Variants in RNF115 observed in about 807,000 individuals in gnomAD.
The protein encoded by RNF115 is ring finger protein 115.
Under a neutral mutation model 39.2 loss-of-function variants are expected in RNF115, and 31 were observed. That is an observed-to-expected ratio of 0.79 (90% confidence interval 0.59 to 1.07). The LOEUF (loss-of-function observed/expected upper bound fraction) is 1.07. Ranked by LOEUF, RNF115 falls within the 50% of genes least tolerant of loss-of-function variation. RNF115 has a pLI of 0.00. For synonymous variants in RNF115, 124 were observed against 131.0 expected, an observed-to-expected ratio of 0.95 and a Z score of 0.37; for missense variants, 384 against 381.7, an observed-to-expected ratio of 1.01 and a Z score of -0.05.
chr1:145,814,352 C>T (rs1553723127), intron 1 of RNF115, among the ~76,000 whole-genome samples: 2 of 152,082 alleles, frequency 1.3e-5, no homozygotes, highest in African/African-American at 4.8e-5. Flanking sequence ...TCTAGGCTAT[C>T]TCATTTATTG....
chr1:145,749,670 G>A (rs1658002583), intron 7 of RNF115, among the ~76,000 whole-genome samples: 1 of 152,058 alleles, frequency 6.6e-6, no homozygotes, highest in Non-Finnish European at 1.5e-5. Flanking sequence ...ACCTCATCTG[G>A]ACTGCTGCAA....
rs5777576 is a variant in RNF115 at position 145,746,404 on chromosome 1, GT to G, written c.*461del. On this transcript the variant is annotated 3_prime_UTR_variant, in exon 9 of 9. Coordinates refer to ENST00000582693, the MANE Select transcript of RNF115 (RefSeq NM_014455.4). ...CTCATAGCTAATGTGATCAAGAGTA[GT>G]TTTTTTTTTTTTTAAATACAATTAA... 7.8e-3 allele frequency: 1,128 copies of G among 143,792 alleles called. 7 individuals are homozygous for G. Among genetic ancestry groups the G allele is most frequent in the African/African-American group, 0.014 (550 of 39,514 alleles). 8.9% of individuals were successfully genotyped at this position (143,792 alleles called of 1,614,324 possible). A position where few individuals can be genotyped will look rare whatever the true frequency, so the allele number is the denominator to read the frequency against.
chr1:145,764,574 G>A (rs34177947), intron 4 of RNF115, among the ~76,000 whole-genome samples: 2,242 of 149,838 alleles, frequency 0.015, 61 homozygotes, highest in African/African-American at 0.05. Flanking sequence ...CAGCCGCCCC[G>A]TCTGAGAAGT....
chr1:145,814,641 T>C (rs1214388379), intron 1 of RNF115, among the ~76,000 whole-genome samples: 3 of 151,954 alleles, frequency 2.0e-5, no homozygotes, highest in African/African-American at 7.2e-5. Context: ...CACATCTAGT[T>C]GGTACTTCCC....
At chr1:145,764,791 G>T (rs184916609) in intron 4 of RNF115, among the ~76,000 whole-genome samples, 1 of 151,100 alleles carries the variant, frequency 6.6e-6, no homozygotes, top group South Asian at 2.1e-4. Context: ...CGCCCCATCC[G>T]GGAGGGAGAT....
chr1:145,771,764 C>T lies in RNF115; in HGVS notation c.375G>A (p.Arg125=). Residue 125 remains arginine, a synonymous_variant, in exon 4 of 9, where the codon CGG becomes CGA. Coordinates refer to ENST00000582693, the MANE Select transcript of RNF115 (RefSeq NM_014455.4). ...GARPPRLPLG[R]RYRSRGSSRP... is the part of the protein sequence containing the mutation. ...GAGAACTTCCTCGAGATCTGTATCT[C>T]CGACCCAATGGCAACCGTGGAGGTC... 1.2e-6 allele frequency: 2 copies of T among 1,614,206 alleles called. No homozygotes were observed. The highest frequency in any genetic ancestry group is 1.7e-6 in the Non-Finnish European group (2 of 1,180,026).
At chr1:145,759,331 C>A (rs1363019823) in intron 4 of RNF115, among the ~76,000 whole-genome samples, 1 of 152,134 alleles carries the variant, frequency 6.6e-6, no homozygotes, top group Non-Finnish European at 1.5e-5. Context: ...ATAATAAGCA[C>A]CTCAAACTTA....
In RNF115 at chr1:145,746,807, C is replaced by T. The variant is rs909316722; in HGVS notation, c.*59G>A. 2 of 1,543,314 alleles carry T rather than the reference C, an allele frequency of 1.3e-6. No individual in the cohort carries two copies. The highest frequency in any genetic ancestry group is 2.0e-5 in the Admixed American group (1 of 49,954). Reference sequence around the variant, plus strand: ...CATCTACTAATTTTTTGTTTTGATACAATTTACAGCTATGGTAAGATGATT... The same window carrying T: ...CATCTACTAATTTTTTGTTTTGATATAATTTACAGCTATGGTAAGATGATT... On this transcript the variant is annotated 3_prime_UTR_variant, in exon 9 of 9. Coordinates refer to ENST00000582693, the MANE Select transcript of RNF115 (RefSeq NM_014455.4).
At chr1:145,805,290 C>T (rs1649413834) in intron 1 of RNF115, among the ~76,000 whole-genome samples, 1 of 152,164 alleles carries the variant, frequency 6.6e-6, no homozygotes, top group Non-Finnish European at 1.5e-5. Context: ...ACAGTAGCCA[C>T]TGACCATTGG....
chr1:145,815,262 G>T (rs1440308605), intron 1 of RNF115, among the ~76,000 whole-genome samples: 1 of 152,308 alleles, frequency 6.6e-6, no homozygotes, highest in Non-Finnish European at 1.5e-5. Context: ...CAAAGAAGAT[G>T]ATAAAATAAG....
chr1:145,780,164 G>T (rs1648065039), intron 3 of RNF115, among the ~76,000 whole-genome samples: 1 of 152,018 alleles, frequency 6.6e-6, no homozygotes, highest in Non-Finnish European at 1.5e-5. Flanking sequence ...GGAGGCAGAG[G>T]TTGCAGTAAG....
At chr1:145,793,629 C>T (rs1028583105) in intron 1 of RNF115, among the ~76,000 whole-genome samples, 2 of 150,796 alleles carry the variant, frequency 1.3e-5, no homozygotes, top group African/African-American at 4.9e-5. Flanking sequence ...CTTTTTCTCA[C>T]ACACACACAC....
intron 2 of RNF115, among the ~76,000 whole-genome samples, chr1:145,786,216 G>A (rs1648373090): frequency 6.6e-6 from 1 of 152,138 alleles, no homozygotes; most frequent in Non-Finnish European, 1.5e-5. Context: ...CAAAGCTTAA[G>A]AAAACTTACA....
At chr1:145,804,371 TGCTTCAGAACAGCC>T (rs1649375394) in intron 1 of RNF115, among the ~76,000 whole-genome samples, 1 of 152,196 alleles carries the variant, frequency 6.6e-6, no homozygotes, top group African/African-American at 2.4e-5. Context: ...AACTAAGCAA[TGCTTCAGAACAGCC>T]TAAGTGGTTA....
In RNF115 at chr1:145,791,673, C is replaced by T. The variant is rs115878627; in HGVS notation, c.103-2707G>A. 2.9e-3 allele frequency among the ~76,000 whole-genome samples: 437 copies of T among 152,262 alleles called. 2 individuals are homozygous for T. Among genetic ancestry groups the T allele is most frequent in the Non-Finnish European group, 3.3e-3 (226 of 68,000 alleles). On this transcript the variant is annotated intron_variant, in intron 1 of 8. Coordinates refer to ENST00000582693, the MANE Select transcript of RNF115 (RefSeq NM_014455.4). ...ATTCTCAAATACCCTACAGAAATGG[C>T]AATTCAAATAACCAAAACAATTCCA...
intron 1 of RNF115, 65 bp from the exon 2 acceptor site, chr1:145,789,031 T>C: frequency 1.0e-6 from 1 of 997,628 alleles, no homozygotes; most frequent in Admixed American, 1.8e-5. Flanking sequence ...ATCTGTAGTT[T>C]CAGAATAACA....
intron 1 of RNF115, 136 bp from the exon 2 acceptor site, chr1:145,789,102 G>T (rs1180341608): frequency 9.3e-5 from 45 of 484,376 alleles, no homozygotes; most frequent in South Asian, 1.1e-4. Flanking sequence ...AGTAGTTTTT[G>T]TTTTTTTTTT....
intron 7 of RNF115, 141 bp from the exon 8 acceptor site, chr1:145,748,251 A>T (rs2101452986): frequency 1.6e-6 from 1 of 611,596 alleles, no homozygotes; most frequent in Non-Finnish European, 3.0e-6. Context: ...AGTAGCAGGC[A>T]GCTAAGAGGC....
Position 145,822,098 on chromosome 1 carries a change from G to A in RNF115, c.102+1674C>T, listed in dbSNP as rs587644652. ...TCCCAGCACTCTGGGAGCCCGAGTC[G>A]GGTGGATCACTTGAGGTCAAGAGTT... On this transcript the variant is annotated intron_variant, in intron 1 of 8. Transcript: ENST00000582693. Among the ~76,000 whole-genome samples the A allele has an allele frequency of 1.1e-3, 173 of 152,186 alleles. 2 individuals carry two copies. In the South Asian group the frequency reaches 0.034, roughly 30 times the overall value.
Sources: allele counts gnomAD v4.1 joint callset (sites outside exome capture counted in the v4.1 genomes callset), GRCh38; gene constraint gnomAD v4.1.1; transcripts MANE v1.5; gene names NCBI Gene and HGNC (gene_info 2026-07-23, HGNC 2026-07-21).